MROH9: variants seen among roughly 807,000 people sequenced by gnomAD.
MROH9 encodes maestro heat like repeat family member 9.
MROH9 carries 92 observed loss-of-function variants against 98.2 expected under a neutral mutation model. The observed-to-expected ratio is 0.94, with a 90% CI of 0.79 to 1.11. The LOEUF is 1.11. Among genes scored for constraint, MROH9 ranks in the 50% most tolerant of loss-of-function variants. MROH9 has a pLI of 0.00. For synonymous variants in MROH9, 397 were observed against 368.9 expected (o/e 1.08, Z -0.87); for missense variants, 1,057 against 1,014.8 (o/e 1.04, Z -0.57).
At chr1:171,058,266 T>G (rs1470170166) in intron 20 of MROH9, among the ~76,000 whole-genome samples, 2 of 149,668 alleles carry the variant, frequency 1.3e-5, no homozygotes, top group Non-Finnish European at 3.0e-5. Context: ...TAAAATACCT[T>G]GGAATACAGC....
rs17346404 is a variant in MROH9 at position 171,064,402 on chromosome 1, C to G, written c.*62C>G. On this transcript the variant is annotated 3_prime_UTR_variant, in exon 22 of 22. Coordinates refer to ENST00000367759, the MANE Select transcript of MROH9 (RefSeq NM_001163629.2). ...TGGGAAGTCCAACAATGTCTTGGAG[C>G]TGACCTTAGAAGAAGAATGATTTTT... 1.7e-5 allele frequency: 25 copies of G among 1,434,988 alleles called. 1 individual carries two copies. In the Admixed American group the frequency reaches 2.4e-4, roughly 14 times the overall value. The allele number at this position is 1,434,988 out of a possible 1,614,324, so 88.9% of individuals were successfully genotyped here. A position where few individuals can be genotyped will look rare whatever the true frequency, so the allele number is the denominator to read the frequency against.
Position 171,048,894 on chromosome 1 carries a change from C to T in MROH9, c.2282-13238C>T, listed in dbSNP as rs565675536. ...TGCTGCCAGGACAGACCTTTTCCTT[C>T]AAGGCAGTGGGTTCCCTTTTGGCCC... On this transcript the variant is annotated intron_variant, in intron 20 of 21. Coordinates refer to ENST00000367759, the MANE Select transcript of MROH9 (RefSeq NM_001163629.2). Among the ~76,000 whole-genome samples the T allele has an allele frequency of 4.6e-5, 7 of 152,278 alleles. No individual in the cohort carries two copies. The South Asian group carries it at 8.3e-4, about 18-fold the overall frequency.
intron 15 of MROH9, among the ~76,000 whole-genome samples, chr1:171,010,232 A>T (rs1007310374): frequency 6.6e-6 from 1 of 152,106 alleles, no homozygotes; most frequent in African/African-American, 2.4e-5. Context: ...GCTGAAAATG[A>T]TGGTTTCCAG....
At chr1:171,000,409 T>A (rs150526184) in intron 15 of MROH9, among the ~76,000 whole-genome samples, 2,524 of 152,220 alleles carry the variant, frequency 0.017, 67 homozygotes, top group African/African-American at 0.058. Flanking sequence ...TTAAGCTATG[T>A]CCCTTGTATG....
intron 20 of MROH9, among the ~76,000 whole-genome samples, chr1:171,059,704 AAG>A (rs1249643501): frequency 1.6e-4 from 25 of 152,352 alleles, no homozygotes; most frequent in South Asian, 6.2e-4. Context: ...CAGCCATAAA[AAG>A]AAATGAGATC....
At chr1:171,030,715 C>G (rs564672793) in intron 20 of MROH9, among the ~76,000 whole-genome samples, 1 of 152,188 alleles carries the variant, frequency 6.6e-6, no homozygotes, top group East Asian at 1.9e-4. Flanking sequence ...ATTATGTGGT[C>G]TAGTTTAGAA....
chr1:171,005,339 G>A (rs1416792357), intron 15 of MROH9, among the ~76,000 whole-genome samples: 1 of 152,190 alleles, frequency 6.6e-6, no homozygotes, highest in Admixed American at 6.5e-5. Context: ...CTAAAGTGCT[G>A]GGATTACAGG....
chr1:170,987,493 G>GTC (rs1047202370), intron 10 of MROH9, among the ~76,000 whole-genome samples: 87 of 152,146 alleles, frequency 5.7e-4, no homozygotes, highest in Non-Finnish European at 9.7e-4. Flanking sequence ...TTCCTCCACA[G>GTC]TCTCTCTCTC....
At chr1:170,947,829 C>G (rs1649392456) in intron 3 of MROH9, among the ~76,000 whole-genome samples, 1 of 151,890 alleles carries the variant, frequency 6.6e-6, no homozygotes, top group Non-Finnish European at 1.5e-5. Flanking sequence ...TTTACCCATC[C>G]TACTATTTAT....
intron 7 of MROH9, among the ~76,000 whole-genome samples, chr1:170,966,132 G>A (rs1165630985): frequency 6.6e-6 from 1 of 152,052 alleles, no homozygotes; most frequent in Non-Finnish European, 1.5e-5. Context: ...ATAGGTTAAA[G>A]TTTAGTAACA....
chr1:171,049,421 C>G (rs1653582359), intron 20 of MROH9, among the ~76,000 whole-genome samples: 1 of 152,080 alleles, frequency 6.6e-6, no homozygotes, highest in African/African-American at 2.4e-5. Context: ...TTGTGAAGCA[C>G]TAAACTCAGT....
chr1:170,936,519 G>A (rs1463036242), intron 1 of MROH9, among the ~76,000 whole-genome samples: 3 of 152,164 alleles, frequency 2.0e-5, no homozygotes, highest in East Asian at 3.8e-4. Flanking sequence ...AATCTCTTCT[G>A]GAAATACCCT....
intron 15 of MROH9, chr1:170,998,890 T>C (rs564037544): frequency 4.2e-4 from 148 of 354,374 alleles, no homozygotes; most frequent in African/African-American, 3.1e-3. Context: ...TTTCAAACTT[T>C]GAGGTGATTT....
chr1:171,017,860 C>T (rs1285493869), intron 17 of MROH9, among the ~76,000 whole-genome samples: 1 of 152,048 alleles, frequency 6.6e-6, no homozygotes, highest in Non-Finnish European at 1.5e-5. Flanking sequence ...AGTCTGACTA[C>T]TCCAGCCAGG....
At chr1:170,990,470 A>G (rs559035631) in intron 11 of MROH9, among the ~76,000 whole-genome samples, 6 of 152,202 alleles carry the variant, frequency 3.9e-5, no homozygotes, top group African/African-American at 7.2e-5. Context: ...TCCTTTAACT[A>G]TTAGACTGAA....
intron 3 of MROH9, among the ~76,000 whole-genome samples, chr1:170,953,964 G>A (rs951213115): frequency 1.3e-4 from 20 of 151,806 alleles, no homozygotes; most frequent in Middle Eastern, 6.8e-3. Context: ...CATTTCTCTA[G>A]GTCACAAGTC....
chr1:171,003,059 T>A (rs527701525), intron 15 of MROH9, among the ~76,000 whole-genome samples: 1 of 152,308 alleles, frequency 6.6e-6, no homozygotes, highest in African/African-American at 2.4e-5. Context: ...TTCCAGAGCA[T>A]TTTGCATTTG....
At chr1:171,052,627 T>C (rs1279039098) in intron 20 of MROH9, among the ~76,000 whole-genome samples, 2 of 152,120 alleles carry the variant, frequency 1.3e-5, no homozygotes, top group Admixed American at 1.3e-4. Flanking sequence ...TAAAAATGCC[T>C]AGAAATGTGC....
chr1:171,037,374 G>T (rs960670270), intron 20 of MROH9, among the ~76,000 whole-genome samples: 4 of 151,324 alleles, frequency 2.6e-5, no homozygotes, highest in Non-Finnish European at 4.4e-5. Flanking sequence ...ATAGACAGAA[G>T]AAAGGAAGGG....
Sources: allele counts gnomAD v4.1 joint callset (sites outside exome capture counted in the v4.1 genomes callset), GRCh38; gene constraint gnomAD v4.1.1; transcripts MANE v1.5; gene names NCBI Gene and HGNC (gene_info 2026-07-23, HGNC 2026-07-21).